The following FAR2 variants were observed in gnomAD, a reference collection of about 807,000 sequenced individuals.
The protein encoded by FAR2 is fatty acyl-CoA reductase 2.
A neutral mutation model predicts 56.0 loss-of-function variants in FAR2; 19 were observed. The ratio of observed to expected loss-of-function variants is 0.34; its 90% confidence interval spans 0.24 to 0.50. The LOEUF is 0.50. Ranked by LOEUF, FAR2 falls within the 20% of genes least tolerant of loss-of-function variation. FAR2 has a pLI of 0.98. For synonymous variants in FAR2, 219 were observed against 218.8 expected, an observed-to-expected ratio of 1.00 and a Z score of -0.01; for missense variants, 508 against 642.2, an observed-to-expected ratio of 0.79 and a Z score of 2.26.
chr12:29,152,723 T>C (rs932435946), intron 1 of FAR2, among the ~76,000 whole-genome samples: 1 of 152,200 alleles, frequency 6.6e-6, no homozygotes, highest in Non-Finnish European at 1.5e-5. Context: ...CAATATAAGG[T>C]ATTAATTTAA....
At chr12:29,210,261 A>G (rs953545426) in intron 1 of FAR2, among the ~76,000 whole-genome samples, 8 of 152,268 alleles carry the variant, frequency 5.3e-5, no homozygotes, top group South Asian at 2.1e-4. Flanking sequence ...TCTGTTTTAG[A>G]AAAAAAGCAA....
At chr12:29,172,233 G>A (rs142988316) in intron 1 of FAR2, among the ~76,000 whole-genome samples, 5 of 151,086 alleles carry the variant, frequency 3.3e-5, no homozygotes, top group African/African-American at 1.2e-4. Context: ...AAGTGTCTCT[G>A]CCTGGTCGCT....
chr12:29,324,586 G>A (rs914480129), intron 10 of FAR2, among the ~76,000 whole-genome samples: 2 of 152,176 alleles, frequency 1.3e-5, no homozygotes, highest in African/African-American at 2.4e-5. Context: ...GAGAGTGGGG[G>A]CCGACATTCA....
intron 1 of FAR2, among the ~76,000 whole-genome samples, chr12:29,179,597 C>T (rs775540954): frequency 6.6e-6 from 1 of 152,212 alleles, no homozygotes; most frequent in East Asian, 1.9e-4. Flanking sequence ...CTTTCCACAA[C>T]ATCAGAGAGA....
At chr12:29,238,206 G>A (rs1031824957) in intron 1 of FAR2, among the ~76,000 whole-genome samples, 41 of 135,636 alleles carry the variant, frequency 3.0e-4, no homozygotes, top group Non-Finnish European at 5.4e-4. Context: ...ACATATATGC[G>A]TAAGGCCAGA....
At chr12:29,165,883 T>A (rs2136581789) in intron 1 of FAR2, among the ~76,000 whole-genome samples, 1 of 152,344 alleles carries the variant, frequency 6.6e-6, no homozygotes, top group Middle Eastern at 3.4e-3. Context: ...AGTTATCAGG[T>A]GTCCAAATGT....
At chr12:29,316,761 G>A in intron 8 of FAR2, 80 bp from the exon 9 acceptor site, 1 of 1,345,768 alleles carries the variant, frequency 7.4e-7, no homozygotes, top group Non-Finnish European at 1.0e-6. Context: ...TTATTGTTTT[G>A]ACCCATTACA....
chr12:29,191,787 G>T (rs1401559102), intron 1 of FAR2, among the ~76,000 whole-genome samples: 1 of 152,164 alleles, frequency 6.6e-6, no homozygotes, highest in Admixed American at 6.5e-5. Context: ...CTTTGCTTCA[G>T]GCTTTCAGGG....
At chr12:29,282,024 T>G (rs1005355890) in intron 2 of FAR2, 3 of 152,196 alleles carry the variant, frequency 2.0e-5, no homozygotes, top group Non-Finnish European at 2.9e-5. Flanking sequence ...AATCAAAGTT[T>G]TATGGGTGTA....
chr12:29,237,282 A>C (rs949732375), intron 1 of FAR2, among the ~76,000 whole-genome samples: 2 of 152,174 alleles, frequency 1.3e-5, no homozygotes. Flanking sequence ...AATCATTTTC[A>C]TAAAAATACC....
chr12:29,323,196 G>C (rs1490814981), intron 10 of FAR2, among the ~76,000 whole-genome samples: 1 of 152,216 alleles, frequency 6.6e-6, no homozygotes, highest in Non-Finnish European at 1.5e-5. Context: ...AGTGAGGCTG[G>C]GGGAGGCACG....
chr12:29,303,834 T>C (rs1949214568), intron 4 of FAR2, among the ~76,000 whole-genome samples: 1 of 152,222 alleles, frequency 6.6e-6, no homozygotes, highest in Admixed American at 6.5e-5. Flanking sequence ...ACTTTGATAT[T>C]AGCAGGCTTT....
At chr12:29,288,735 CT>C (rs1451201832) in intron 2 of FAR2, among the ~76,000 whole-genome samples, 2 of 152,154 alleles carry the variant, frequency 1.3e-5, no homozygotes, top group African/African-American at 4.8e-5. Flanking sequence ...TCGCTATCTG[CT>C]ATCTCTCATC....
At position 29,268,204 on chromosome 12, in the gene FAR2, G is replaced by A. The variant is rs575139659; in HGVS notation, c.-38-2208G>A. 3.3e-5 allele frequency among the ~76,000 whole-genome samples: 5 copies of A among 152,172 alleles called. No individual in the cohort carries two copies. In the South Asian group the frequency reaches 1.0e-3, roughly 32 times the overall value. On this transcript the variant is annotated intron_variant, in intron 1 of 11. Coordinates refer to ENST00000536681, the MANE Select transcript of FAR2 (RefSeq NM_001271783.2). ...CTAGTTGTTTTTTTCTTCTTTATAA[G>A]CCCTGATGTCAGGGCCAGTCCCTGG...
intron 1 of FAR2, among the ~76,000 whole-genome samples, chr12:29,253,353 A>G (rs1194540283): frequency 6.6e-6 from 1 of 150,860 alleles, no homozygotes; most frequent in Admixed American, 6.6e-5. Flanking sequence ...ATCTATATCT[A>G]TCTATACAGA....
intron 2 of FAR2, among the ~76,000 whole-genome samples, chr12:29,282,702 T>C (rs1948807401): frequency 6.6e-6 from 1 of 152,176 alleles, no homozygotes; most frequent in East Asian, 1.9e-4. Context: ...ATCTGTTCTA[T>C]GTATCAAAAT....
intron 2 of FAR2, among the ~76,000 whole-genome samples, chr12:29,279,662 A>G (rs974619475): frequency 1.3e-5 from 2 of 152,162 alleles, no homozygotes; most frequent in African/African-American, 4.8e-5. Context: ...TAAACCCTCA[A>G]TTGCAGGTTA....
intron 1 of FAR2, among the ~76,000 whole-genome samples, chr12:29,201,316 A>G (rs189951404): frequency 3.9e-5 from 6 of 152,298 alleles, no homozygotes; most frequent in Admixed American, 3.9e-4. Flanking sequence ...TCTTATAGAC[A>G]TCTACTGCCC....
At chr12:29,237,915 T>C (rs1947965007) in intron 1 of FAR2, among the ~76,000 whole-genome samples, 2 of 152,182 alleles carry the variant, frequency 1.3e-5, no homozygotes, top group South Asian at 4.1e-4. Context: ...GATGTGTCAA[T>C]ATTCGGAAGA....
Sources: gnomAD v4.1 joint callset for allele counts (sites outside exome capture counted in the v4.1 genomes callset) on GRCh38, gnomAD v4.1.1 for gene constraint, MANE v1.5 for transcripts, NCBI Gene and HGNC (gene_info 2026-07-23, HGNC 2026-07-21) for gene names.